The following GRIK1 variants were observed in gnomAD, a reference collection of about 807,000 sequenced individuals.
GRIK1 encodes glutamate receptor ionotropic, kainate 1.
In GRIK1, 69 loss-of-function variants were observed where a neutral mutation model predicts 105.7. The observed-to-expected ratio is 0.65, with a 90% CI of 0.54 to 0.80. The LOEUF (loss-of-function observed/expected upper bound fraction) is 0.80, where lower values mean the gene tolerates loss of function less well. Among genes scored for constraint, GRIK1 ranks in the 30% least tolerant of loss-of-function variants. The pLI, the probability that GRIK1 is intolerant of heterozygous loss-of-function variation, is 0.00. For missense variants in GRIK1, 1,109 were observed against 1,167.3 expected, an observed-to-expected ratio of 0.95 and a Z score of 0.73; for synonymous variants, 438 against 431.3, an observed-to-expected ratio of 1.02 and a Z score of -0.19.
At chr21:29,766,585 G>A (rs1167289158) in intron 1 of GRIK1, among the ~76,000 whole-genome samples, 1 of 152,182 alleles carries the variant, frequency 6.6e-6, no homozygotes, top group Non-Finnish European at 1.5e-5. Context: ...ATCAAAACCA[G>A]CATTGTTGCA....
chr21:29,743,598 G>A (rs1370997968), intron 1 of GRIK1, among the ~76,000 whole-genome samples: 1 of 152,090 alleles, frequency 6.6e-6, no homozygotes, highest in African/African-American at 2.4e-5. Context: ...TGGAGGCTGA[G>A]GTAGGAGAAT....
intron 1 of GRIK1, among the ~76,000 whole-genome samples, chr21:29,920,128 T>A (rs1363135104): frequency 6.6e-6 from 1 of 152,164 alleles, no homozygotes; most frequent in Non-Finnish European, 1.5e-5. Flanking sequence ...TTGCTCACAG[T>A]CTCTCAGGGG....
At chr21:29,567,457 T>A (rs919995155) in intron 14 of GRIK1, among the ~76,000 whole-genome samples, 6 of 152,208 alleles carry the variant, frequency 3.9e-5, no homozygotes, top group African/African-American at 1.4e-4. Context: ...CTAATATGGC[T>A]GATGATTTTA....
At chr21:29,877,134 T>C (rs1440739248) in intron 1 of GRIK1, among the ~76,000 whole-genome samples, 1 of 152,210 alleles carries the variant, frequency 6.6e-6, no homozygotes, top group Non-Finnish European at 1.5e-5. Flanking sequence ...TATTTATTTA[T>C]GCTTTTACAA....
intron 1 of GRIK1, among the ~76,000 whole-genome samples, chr21:29,777,007 C>T (rs919678880): frequency 3.3e-5 from 5 of 152,022 alleles, no homozygotes; most frequent in Admixed American, 2.6e-4. Context: ...CAAGACTGGT[C>T]CTAAATTAGC....
intron 1 of GRIK1, among the ~76,000 whole-genome samples, chr21:29,710,473 G>T (rs1251308049): frequency 2.0e-5 from 3 of 152,076 alleles, no homozygotes; most frequent in African/African-American, 7.2e-5. Flanking sequence ...TGACTGTGTA[G>T]CTCTGAATGC....
intron 1 of GRIK1, among the ~76,000 whole-genome samples, chr21:29,800,159 A>G (rs2066663490): frequency 6.6e-6 from 1 of 152,196 alleles, no homozygotes; most frequent in Admixed American, 6.5e-5. Flanking sequence ...CTGGATCACA[A>G]AAATGAAATA....
At chr21:29,745,514 A>G (rs2065028405) in intron 1 of GRIK1, among the ~76,000 whole-genome samples, 1 of 152,242 alleles carries the variant, frequency 6.6e-6, no homozygotes, top group African/African-American at 2.4e-5. Context: ...TGCTAGCAAT[A>G]GACAACTAAT....
At chr21:29,669,866 G>A (rs976226225) in intron 4 of GRIK1, among the ~76,000 whole-genome samples, 2 of 152,026 alleles carry the variant, frequency 1.3e-5, no homozygotes, top group Non-Finnish European at 2.9e-5. Context: ...GCCTCCCTAG[G>A]GAATCTCTTA....
chr21:29,560,500 C>T (rs12233314), intron 15 of GRIK1, among the ~76,000 whole-genome samples: 201 of 12,210 alleles, frequency 0.016, 19 homozygotes, highest in East Asian at 0.071. Context: ...TCTTTCTTTC[C>T]TTCCTTCCTT....
At chr21:29,835,155 C>T (rs1436012025) in intron 1 of GRIK1, among the ~76,000 whole-genome samples, 1 of 152,136 alleles carries the variant, frequency 6.6e-6, no homozygotes, top group East Asian at 1.9e-4. Flanking sequence ...TGCAACTCAA[C>T]AGTGTTTGTA....
At position 29,642,891 on chromosome 21, in the gene GRIK1, A is replaced by T; in HGVS notation, c.1033T>A (p.Ser345Thr). ...SHRASQLTVS[S>T]LQCHRHKPWR... The stretch of plus-strand genomic sequence containing the variant: ...GGCTTATGTCTATGGCACTGCAGGG[A>T]GCTGACGGTCAGCTGGGATGCCCGG... The change falls in exon 7 of 18, where the codon TCC becomes ACC. Residue 345 changes from serine (S) to threonine (T), a missense_variant. Ser to Thr is a moderately conservative substitution (Grantham distance 58). Around this residue, in one of 5 missense-constraint regions of GRIK1, gnomAD observed 612 missense variants for 586.0 expected, o/e 1.04. Coordinates refer to ENST00000327783, the MANE Select transcript of GRIK1 (RefSeq NM_001330994.2). 1 of 1,614,058 alleles carries T rather than the reference A, an allele frequency of 6.2e-7. No homozygotes were observed. Among genetic ancestry groups the T allele is most frequent in the South Asian group, 1.1e-5 (1 of 91,080 alleles).
chr21:29,573,848 G>A (rs1211152779), intron 14 of GRIK1, among the ~76,000 whole-genome samples: 4 of 138,312 alleles, frequency 2.9e-5, no homozygotes, highest in Non-Finnish European at 6.1e-5. Context: ...GCAAGACTCC[G>A]TCTGGAAAAA....
At chr21:29,541,805 C>T (rs1398728418) in intron 16 of GRIK1, among the ~76,000 whole-genome samples, 1 of 72,302 alleles carries the variant, frequency 1.4e-5, no homozygotes, top group African/African-American at 4.0e-5. Context: ...ATTATGACAA[C>T]TTGTATTGTG....
chr21:29,582,958 A>T (rs143908872), intron 12 of GRIK1, among the ~76,000 whole-genome samples: 363 of 152,288 alleles, frequency 2.4e-3, no homozygotes, highest in Middle Eastern at 0.024. Flanking sequence ...AAAGCAGGGC[A>T]TGCTGTGAAT....
intron 1 of GRIK1, among the ~76,000 whole-genome samples, chr21:29,761,730 TCCTTCTTTCTCTTTCTTTCGTTC>T (rs1393332238): frequency 5.3e-5 from 8 of 150,262 alleles, no homozygotes; most frequent in Non-Finnish European, 5.9e-5. Context: ...TTTCCTTCCT[TCCTTCTTTCTCTTTCTTTCGTTC>T]TTTTTTTTTT....
chr21:29,578,436 C>A lies in GRIK1; in HGVS notation c.1913-1255G>T, dbSNP rs533264397. Reference sequence around the variant, plus strand: ...AAATGAATTTGTGCTAAGGTTTAATCTATAAACAGATGCAAATACGGCTCA... The same window carrying A: ...AAATGAATTTGTGCTAAGGTTTAATATATAAACAGATGCAAATACGGCTCA... On this transcript the variant is annotated intron_variant, in intron 13 of 17. Transcript: ENST00000327783. Among the ~76,000 whole-genome samples, 155 of 152,298 alleles carry A rather than the reference C, an allele frequency of 1.0e-3. 1 individual carries two copies. Among genetic ancestry groups the A allele is most frequent in the African/African-American group, 3.6e-3 (148 of 41,570 alleles).
chr21:29,719,609 T>A (rs2409346), intron 1 of GRIK1, among the ~76,000 whole-genome samples: 3,942 of 152,270 alleles, frequency 0.026, 132 homozygotes, highest in East Asian at 0.1. Flanking sequence ...ATTTTTTTTT[T>A]CTCCAGCCAG....
In GRIK1 at chr21:29,939,473, G is replaced by C. The variant is rs746347722; in HGVS notation, c.28C>G (p.Pro10Ala). The C allele has an allele frequency of 1.9e-6, 3 of 1,598,096 alleles. No homozygotes were observed. The East Asian group carries it at 7.0e-5, about 37-fold the overall frequency. Residue 10 changes from proline to alanine, a missense_variant, in exon 1 of 18, where the codon CCC becomes GCC. Pro to Ala is a conservative substitution (Grantham distance 27). Coordinates refer to ENST00000327783, the MANE Select transcript of GRIK1 (RefSeq NM_001330994.2). MEHGTLLAQ[P>A]GLWTRDTSWA... ...CTGGTGTCCCTGGTCCAGAGCCCGG[G>C]CTGGGCGAGGAGTGTGCCGTGCTCC...
Sources: allele counts gnomAD v4.1 joint callset (sites outside exome capture counted in the v4.1 genomes callset), GRCh38; gene constraint gnomAD v4.1.1; regional missense constraint gnomAD v4.1.1; transcripts MANE v1.5; gene names NCBI Gene and HGNC (gene_info 2026-07-23, HGNC 2026-07-21).